The following CNBD1 variants were observed in gnomAD, a reference collection of about 807,000 sequenced individuals.
CNBD1 encodes the protein cyclic nucleotide binding domain containing 1, also known as cyclic nucleotide-binding domain-containing protein 1.
Under a neutral mutation model 54.4 loss-of-function variants are expected in CNBD1, and 71 were observed. The ratio of observed to expected loss-of-function variants is 1.30; its 90% CI spans 1.08 to 1.59. The LOEUF (loss-of-function observed/expected upper bound fraction) is 1.59, where lower values mean the gene tolerates loss of function less well. CNBD1 is among the 40% of genes most tolerant of loss of function. The probability of loss-of-function intolerance (pLI) is 0.00; values close to 1 mark genes in which losing one functional copy is unlikely to be tolerated. For missense variants in CNBD1, 659 were observed against 518.0 expected, an observed-to-expected ratio of 1.27 and a Z score of -2.64; for synonymous variants, 182 against 170.7, an observed-to-expected ratio of 1.07 and a Z score of -0.51.
chr8:87,367,507 G>C (rs895858414), intron 10 of CNBD1, among the ~76,000 whole-genome samples: 2 of 151,984 alleles, frequency 1.3e-5, no homozygotes, highest in African/African-American at 2.4e-5. Flanking sequence ...GTGCATGAAG[G>C]ACTTGCTTTC....
intron 4 of CNBD1, among the ~76,000 whole-genome samples, chr8:87,097,722 G>T (rs1041125524): frequency 6.6e-6 from 1 of 152,148 alleles, no homozygotes. Context: ...TAGAGTAACT[G>T]GCATTTGATT....
chr8:87,196,039 T>C (rs1430706247), intron 4 of CNBD1, among the ~76,000 whole-genome samples: 1 of 152,202 alleles, frequency 6.6e-6, no homozygotes, highest in Non-Finnish European at 1.5e-5. Flanking sequence ...ATTTTGAGCA[T>C]ATTCAAATCA....
chr8:87,191,151 A>C (rs938437228), intron 4 of CNBD1, among the ~76,000 whole-genome samples: 1 of 151,750 alleles, frequency 6.6e-6, no homozygotes, highest in Non-Finnish European at 1.5e-5. Context: ...AGGAAAGCCA[A>C]CAGTGTAGAC....
Position 86,923,011 on chromosome 8 carries a change from T to C in CNBD1, c.273-16585T>C, listed in dbSNP as rs115642359. Among the ~76,000 whole-genome samples, 568 of 152,314 alleles carry C rather than the reference T, an allele frequency of 3.7e-3. 5 individuals are homozygous for C. The highest frequency in any genetic ancestry group is 0.012 in the African/African-American group (507 of 41,562). ...ATTTCAAGTATGTTGTAATATGTGA[T>C]ACTGTTACCAGAAGGAGGGCCTTGA... On this transcript the variant is annotated intron_variant, in intron 3 of 10. Transcript: ENST00000518476.
intron 6 of CNBD1, among the ~76,000 whole-genome samples, chr8:87,273,075 A>T (rs1438871179): frequency 6.6e-6 from 1 of 151,936 alleles, no homozygotes; most frequent in African/African-American, 2.4e-5. Context: ...AGACAGATCA[A>T]TTTCCCCTAA....
intron 3 of CNBD1, among the ~76,000 whole-genome samples, chr8:86,919,889 G>C (rs1809244014): frequency 6.6e-6 from 1 of 152,034 alleles, no homozygotes; most frequent in Non-Finnish European, 1.5e-5. Context: ...AGGGTCTTGA[G>C]TGTGGCCTGA....
intron 4 of CNBD1, among the ~76,000 whole-genome samples, chr8:87,054,255 G>A (rs917672428): frequency 2.0e-5 from 3 of 152,178 alleles, no homozygotes; most frequent in Non-Finnish European, 4.4e-5. Flanking sequence ...TCCAGACAAA[G>A]GTTAGAAAGG....
chr8:87,336,982 G>T (rs1385178544), intron 8 of CNBD1, among the ~76,000 whole-genome samples: 1 of 152,022 alleles, frequency 6.6e-6, no homozygotes. Flanking sequence ...GTTTGCTGGG[G>T]GTTCACTTCA....
At chr8:87,037,641 G>T (rs1354343086) in intron 4 of CNBD1, among the ~76,000 whole-genome samples, 1 of 151,682 alleles carries the variant, frequency 6.6e-6, no homozygotes. Flanking sequence ...ACAATTTTTT[G>T]TTATCAAAGT....
intron 5 of CNBD1, among the ~76,000 whole-genome samples, chr8:87,210,972 T>A (rs2130801248): frequency 6.6e-6 from 1 of 152,238 alleles, no homozygotes; most frequent in Non-Finnish European, 1.5e-5. Context: ...AAGCTGCAGC[T>A]ACTCAACTCC....
chr8:87,030,142 C>T (rs1809749191), intron 4 of CNBD1, among the ~76,000 whole-genome samples: 1 of 152,052 alleles, frequency 6.6e-6, no homozygotes. Context: ...CTTGATGGCA[C>T]TAACTTTTTT....
intron 4 of CNBD1, among the ~76,000 whole-genome samples, chr8:87,103,584 C>T (rs1811474758): frequency 6.6e-6 from 1 of 152,148 alleles, no homozygotes; most frequent in East Asian, 1.9e-4. Context: ...ATGGCAGCAG[C>T]AAGGAAAAGT....
intron 4 of CNBD1, among the ~76,000 whole-genome samples, chr8:86,993,070 C>T (rs980203277): frequency 1.3e-5 from 2 of 152,128 alleles, no homozygotes; most frequent in South Asian, 2.1e-4. Context: ...TACTCTCTCT[C>T]CTTCTCTCTT....
chr8:87,381,024 AAAAC>A (rs1430592339), intron 10 of CNBD1, among the ~76,000 whole-genome samples: 2 of 152,074 alleles, frequency 1.3e-5, no homozygotes, highest in Admixed American at 6.6e-5. Flanking sequence ...ACAGGCAACA[AAAAC>A]AAACCAGTGA....
rs571283343 is a variant in CNBD1 at position 87,325,966 on chromosome 8, G to A, written c.1043-25719G>A. ...CCGGTTGTTCCTTTCCATGTTTAGC[G>A]CTTCCTTCAGGAGCTCTTTTAGGGC... On this transcript the variant is annotated intron_variant, in intron 8 of 10. Coordinates refer to ENST00000518476, the MANE Select transcript of CNBD1 (RefSeq NM_173538.3). 1.0e-3 allele frequency among the ~76,000 whole-genome samples: 107 copies of A among 107,078 alleles called. 19 individuals are homozygous for A. The highest frequency in any genetic ancestry group is 1.5e-3 in the Non-Finnish European group (75 of 48,950). The allele number at this position is 107,078 out of a possible 152,430, so 70.2% of individuals were successfully genotyped here. A position where few individuals can be genotyped will look rare whatever the true frequency, so the allele number is the denominator to read the frequency against.
intron 4 of CNBD1, among the ~76,000 whole-genome samples, chr8:87,031,716 TCA>T (rs1324474363): frequency 1.3e-5 from 2 of 152,108 alleles, no homozygotes; most frequent in East Asian, 3.9e-4. Context: ...ATCCAATTAG[TCA>T]CTAAACCCTT....
At chr8:87,179,430 T>C (rs887581220) in intron 4 of CNBD1, among the ~76,000 whole-genome samples, 2 of 152,180 alleles carry the variant, frequency 1.3e-5, no homozygotes, top group Non-Finnish European at 2.9e-5. Context: ...TTTGCTCTCT[T>C]AAAGAAGAGT....
intron 4 of CNBD1, among the ~76,000 whole-genome samples, chr8:87,167,262 A>G (rs1003955676): frequency 3.3e-5 from 5 of 151,986 alleles, no homozygotes; most frequent in African/African-American, 1.2e-4. Context: ...ATCTGCAGTG[A>G]TCAAATCAGG....
rs373641968 is a variant in CNBD1 at position 87,330,766 on chromosome 8, A to T, written c.1043-20919A>T. Among the ~76,000 whole-genome samples the T allele has an allele frequency of 1.2e-4, 19 of 152,278 alleles. No individual in the cohort carries two copies. The East Asian group carries it at 3.5e-3, about 28-fold the overall frequency. On this transcript the variant is annotated intron_variant, in intron 8 of 10. Coordinates refer to ENST00000518476, the MANE Select transcript of CNBD1 (RefSeq NM_173538.3). ...AGAATATGTATGCTGCTGTTAATGG[A>T]TTAAGTAGATTATAGATGTCAATTT...
Sources: allele counts gnomAD v4.1 joint callset (sites outside exome capture counted in the v4.1 genomes callset), GRCh38; gene constraint gnomAD v4.1.1; transcripts MANE v1.5; gene names NCBI Gene and HGNC (gene_info 2026-07-23, HGNC 2026-07-21).